CYSLTR2: variants seen among roughly 807,000 people sequenced by gnomAD.
The protein encoded by CYSLTR2 is G-protein coupled receptor GPCR21.
For synonymous variants in CYSLTR2, 179 were observed against 160.8 expected (o/e 1.11, Z -0.86); for missense variants, 398 against 411.9 (o/e 0.97, Z 0.29).
In CYSLTR2 at chr13:48,696,629, A is replaced by G. The variant is rs1204334572; in HGVS notation, c.-2+3A>G. ...TGATTTCTGCATTTCCAACTGAGGT[A>G]CTGGGTTCATCTCACTGGGGCTTGT... is the stretch of plus-strand genomic sequence containing the variant. On this transcript the variant is annotated splice_donor_region_variant and intron_variant, in intron 4 of 4. Transcript: ENST00000682523. 1.3e-5 allele frequency: 2 copies of G among 152,244 alleles called. No individual in the cohort carries two copies. Among genetic ancestry groups the G allele is most frequent in the African/African-American group, 4.8e-5 (2 of 41,448 alleles). 9.4% of individuals were successfully genotyped at this position (152,244 alleles called of 1,614,324 possible).
At chr13:48,657,687 G>A (rs569660910) in intron 1 of CYSLTR2, among the ~76,000 whole-genome samples, 5 of 151,178 alleles carry the variant, frequency 3.3e-5, no homozygotes, top group East Asian at 1.9e-4. Context: ...AATTTCCCAC[G>A]TAAGTCTCCT....
Position 48,697,774 on chromosome 13 carries a change from A to T in CYSLTR2, c.-2+1148A>T, listed in dbSNP as rs141712945. Among the ~76,000 whole-genome samples, 417 of 152,338 alleles carry T rather than the reference A, an allele frequency of 2.7e-3. 4 individuals carry two copies. Among genetic ancestry groups the T allele is most frequent in the African/African-American group, 9.6e-3 (398 of 41,568 alleles). On this transcript the variant is annotated intron_variant, in intron 4 of 4. Transcript: ENST00000682523. The stretch of plus-strand genomic sequence containing the variant: ...CAAAGAAGCTAAAAACCTTGAAAAA[A>T]GATTAGACAAATAGCTAACTAGAAT...
rs118141570 is a variant in CYSLTR2, at chr13:48,709,166, C to T, written c.*1308C>T. 756 of 167,174 alleles carry T rather than the reference C, an allele frequency of 4.5e-3. 3 individuals are homozygous for T. Among genetic ancestry groups the T allele is most frequent in the Middle Eastern group, 0.014 (4 of 296 alleles). The allele number at this position is 167,174 out of a possible 1,614,324, so 10.4% of individuals were successfully genotyped here. A position where few individuals can be genotyped will look rare whatever the true frequency, so the allele number is the denominator to read the frequency against. On this transcript the variant is annotated 3_prime_UTR_variant, in exon 5 of 5. Coordinates refer to ENST00000682523, the MANE Select transcript of CYSLTR2 (RefSeq NM_001308476.3). ...TGGCTGGGTGCTCTCCCCACCACTA[C>T]CCTTGTAAACTTCCAGGAAGATTGG...
intron 1 of CYSLTR2, among the ~76,000 whole-genome samples, chr13:48,680,550 G>A (rs1953719460): frequency 6.6e-6 from 1 of 152,130 alleles, no homozygotes; most frequent in Non-Finnish European, 1.5e-5. Context: ...TACCAGCAAA[G>A]CTGCAGGAGA....
intron 1 of CYSLTR2, among the ~76,000 whole-genome samples, chr13:48,678,152 C>T (rs1953651228): frequency 6.6e-6 from 1 of 152,058 alleles, no homozygotes; most frequent in Non-Finnish European, 1.5e-5. Context: ...TTGGTGGAGG[C>T]AAGCCCAAGT....
At chr13:48,695,423 C>G in intron 3 of CYSLTR2, among the ~76,000 whole-genome samples, 1 of 148,422 alleles carries the variant, frequency 6.7e-6, no homozygotes, top group Non-Finnish European at 1.5e-5. Context: ...CTCTCTCTCT[C>G]ATAGAGATAG....
intron 3 of CYSLTR2, among the ~76,000 whole-genome samples, chr13:48,695,309 TTCTC>T (rs1954150213): frequency 6.6e-6 from 1 of 151,310 alleles, no homozygotes; most frequent in Non-Finnish European, 1.5e-5. Context: ...TCTTCTTTCT[TTCTC>T]TCTCTTTTTC....
At chr13:48,675,789 G>T (rs1403414848) in intron 1 of CYSLTR2, among the ~76,000 whole-genome samples, 4 of 152,116 alleles carry the variant, frequency 2.6e-5, no homozygotes, top group Non-Finnish European at 5.9e-5. Context: ...AGGCACCCGA[G>T]GGATTCTCCT....
Position 48,707,859 on chromosome 13 carries a change from G to A in CYSLTR2, c.*1G>A. ...GTTGAGAAAGGAAACAAGAGTATAA[G>A]GAGCTCTTAGATGAGACCTGTTCTT... On this transcript the variant is annotated 3_prime_UTR_variant, in exon 5 of 5. Coordinates refer to ENST00000682523, the MANE Select transcript of CYSLTR2 (RefSeq NM_001308476.3). 20 of 1,518,858 alleles carry A rather than the reference G, an allele frequency of 1.3e-5. No homozygotes were observed. Among genetic ancestry groups the A allele is most frequent in the Non-Finnish European group, 1.7e-5 (19 of 1,135,332 alleles). The allele number at this position is 1,518,858 out of a possible 1,614,324, so 94.1% of individuals were successfully genotyped here. A position where few individuals can be genotyped will look rare whatever the true frequency, so the allele number is the denominator to read the frequency against.
chr13:48,678,089 G>C (rs1953649314), intron 1 of CYSLTR2, among the ~76,000 whole-genome samples: 1 of 152,108 alleles, frequency 6.6e-6, no homozygotes, highest in Non-Finnish European at 1.5e-5. Flanking sequence ...TCTGAAATGT[G>C]GAGAGGAGAT....
intron 1 of CYSLTR2, among the ~76,000 whole-genome samples, chr13:48,677,012 C>T (rs977695550): frequency 3.3e-5 from 5 of 152,030 alleles, no homozygotes; most frequent in African/African-American, 4.8e-5. Flanking sequence ...AGAGGTGAGC[C>T]GAGGACAAAG....
chr13:48,693,604 GAATAATA>G (rs1180124151), intron 3 of CYSLTR2, 94 bp downstream of exon 3: 1 of 147,830 alleles, frequency 6.8e-6, no homozygotes, highest in Non-Finnish European at 1.5e-5. Flanking sequence ...CGCTGCAGGT[GAATAATA>G]AATCAACACC....
intron 2 of CYSLTR2, among the ~76,000 whole-genome samples, chr13:48,691,534 C>T (rs985762515): frequency 6.6e-6 from 1 of 152,096 alleles, no homozygotes; most frequent in Non-Finnish European, 1.5e-5. Context: ...CTTCCACAAG[C>T]TTTGCTGCAG....
chr13:48,690,885 G>A (rs1954021276), intron 1 of CYSLTR2, among the ~76,000 whole-genome samples: 1 of 146,962 alleles, frequency 6.8e-6, no homozygotes, highest in South Asian at 2.2e-4. Context: ...ATCTGCTCCT[G>A]GGCTTTTTTT....
intron 1 of CYSLTR2, among the ~76,000 whole-genome samples, chr13:48,667,486 G>T (rs538602970): frequency 2.8e-4 from 43 of 152,304 alleles, no homozygotes; most frequent in African/African-American, 9.1e-4. Flanking sequence ...ATCTGCTGGG[G>T]CAACCCATTA....
At chr13:48,705,938 T>G (rs1954469920) in intron 4 of CYSLTR2, among the ~76,000 whole-genome samples, 1 of 151,546 alleles carries the variant, frequency 6.6e-6, no homozygotes. Flanking sequence ...AATTCCTTTC[T>G]GTTTAGAGAA....
chr13:48,660,342 C>A (rs1379722792), intron 1 of CYSLTR2, among the ~76,000 whole-genome samples: 1 of 152,126 alleles, frequency 6.6e-6, no homozygotes, highest in Non-Finnish European at 1.5e-5. Flanking sequence ...AACTCTTCAC[C>A]AATGGCCCAA....
At chr13:48,676,049 G>A (rs1303627186) in intron 1 of CYSLTR2, among the ~76,000 whole-genome samples, 1 of 152,206 alleles carries the variant, frequency 6.6e-6, no homozygotes, top group African/African-American at 2.4e-5. Flanking sequence ...CCCACTTTCT[G>A]CATTGGTCTT....
intron 2 of CYSLTR2, among the ~76,000 whole-genome samples, chr13:48,692,803 A>C (rs926846562): frequency 2.6e-5 from 4 of 151,378 alleles, no homozygotes; most frequent in Non-Finnish European, 5.9e-5. Flanking sequence ...ATACAATTTA[A>C]ACAGTTTCAA....
Sources: gnomAD v4.1 joint callset for allele counts (sites outside exome capture counted in the v4.1 genomes callset) on GRCh38, gnomAD v4.1.1 for gene constraint, MANE v1.5 for transcripts, NCBI Gene and HGNC (gene_info 2026-07-23, HGNC 2026-07-21) for gene names.